The following DTD1 variants were observed in gnomAD, a reference collection of about 807,000 sequenced individuals.
The protein encoded by DTD1 is D-aminoacyl-tRNA deacylase 1.
DTD1 carries 13 observed loss-of-function variants against 25.6 expected under a neutral mutation model. That is an observed-to-expected ratio of 0.51 (90% CI 0.33 to 0.81). The LOEUF (loss-of-function observed/expected upper bound fraction) is 0.81, where lower values mean the gene tolerates loss of function less well. Ranked by LOEUF, DTD1 falls within the 30% of genes least tolerant of loss-of-function variation. The probability of loss-of-function intolerance (pLI) is 0.02; values close to 1 mark genes in which losing one functional copy is unlikely to be tolerated. For missense variants in DTD1, 193 were observed against 266.4 expected (o/e 0.72, Z 1.92); for synonymous variants, 110 against 103.6 (o/e 1.06, Z -0.37).
Position 18,596,167 on chromosome 20 carries a change from C to T in DTD1, c.296C>T (p.Thr99Met), listed in dbSNP as rs768459646. Residue 99 changes from threonine (T) to methionine (M), a missense_variant, in exon 3 of 6, where the codon ACG becomes ATG. Coordinates refer to ENST00000377452, the MANE Select transcript of DTD1 (RefSeq NM_080820.6). ...CCTGATTTCCACCTAGCAATGCCCACGGAGCAGGCAGAGGGCTTCTACAAC... is the reference window on the plus strand; with the variant it reads ...CCTGATTTCCACCTAGCAATGCCCATGGAGCAGGCAGAGGGCTTCTACAAC... Reference protein sequence around the residue: ...NKPDFHLAMPTEQAEGFYNSF... With the variant: ...NKPDFHLAMPMEQAEGFYNSF... 3.9e-5 allele frequency: 63 copies of T among 1,614,124 alleles called. No individual in the cohort carries two copies. In the East Asian group the frequency reaches 5.6e-4, roughly 14 times the overall value.
At chr20:18,603,829 T>A in intron 3 of DTD1, among the ~76,000 whole-genome samples, 2 of 71,612 alleles carry the variant, frequency 2.8e-5, no homozygotes, top group Non-Finnish European at 5.7e-5. Context: ...GCAGGAAAGA[T>A]CCAAAATTGA....
chr20:18,696,482 G>A (rs2061077358), intron 4 of DTD1, among the ~76,000 whole-genome samples: 1 of 152,128 alleles, frequency 6.6e-6, no homozygotes, highest in African/African-American at 2.4e-5. Context: ...AAATTCATGG[G>A]CGTGACTGAC....
chr20:18,727,159 G>A (rs957298011), intron 4 of DTD1, among the ~76,000 whole-genome samples: 2 of 152,364 alleles, frequency 1.3e-5, no homozygotes, highest in East Asian at 1.9e-4. Context: ...GCCCATGGGT[G>A]GGAGCAGAGG....
chr20:18,651,930 G>A (rs1361309475), intron 4 of DTD1, among the ~76,000 whole-genome samples: 1 of 152,210 alleles, frequency 6.6e-6, no homozygotes, highest in East Asian at 1.9e-4. Flanking sequence ...TATTTAAAGT[G>A]GACAGAATGC....
At chr20:18,755,629 C>T (rs1356609224) in intron 5 of DTD1, among the ~76,000 whole-genome samples, 1 of 152,174 alleles carries the variant, frequency 6.6e-6, no homozygotes, top group Non-Finnish European at 1.5e-5. Context: ...CATAGTATTC[C>T]ATGGTGTATA....
At chr20:18,744,075 T>A (rs1352591382) in intron 4 of DTD1, 25 bp from the exon 5 acceptor site, 1 of 1,551,334 alleles carries the variant, frequency 6.4e-7, no homozygotes, top group East Asian at 2.4e-5. Context: ...TTGTAAAATA[T>A]TCTTTTTTAT....
chr20:18,702,041 A>G (rs1014984597), intron 4 of DTD1, among the ~76,000 whole-genome samples: 1 of 152,226 alleles, frequency 6.6e-6, no homozygotes, highest in Non-Finnish European at 1.5e-5. Flanking sequence ...TTTGTCTACA[A>G]TCATTTTAAT....
At chr20:18,618,902 G>A (rs890615091) in intron 3 of DTD1, among the ~76,000 whole-genome samples, 1 of 151,974 alleles carries the variant, frequency 6.6e-6, no homozygotes, top group African/African-American at 2.4e-5. Flanking sequence ...TAGTAGAGAT[G>A]GGGTTTCACC....
intron 4 of DTD1, among the ~76,000 whole-genome samples, chr20:18,633,310 A>G (rs1421704826): frequency 2.6e-5 from 4 of 151,572 alleles, no homozygotes; most frequent in African/African-American, 4.9e-5. Flanking sequence ...GCTCTTTCCT[A>G]CCTCGGAGCT....
intron 3 of DTD1, among the ~76,000 whole-genome samples, chr20:18,597,559 C>T (rs1404398670): frequency 1.3e-5 from 2 of 152,306 alleles, no homozygotes; most frequent in East Asian, 3.9e-4. Flanking sequence ...CCTAGGCAGC[C>T]ATTAATCTAC....
intron 4 of DTD1, among the ~76,000 whole-genome samples, chr20:18,717,421 A>T (rs1367749365): frequency 6.6e-6 from 1 of 152,134 alleles, no homozygotes; most frequent in Non-Finnish European, 1.5e-5. Flanking sequence ...GTTTTTGGTA[A>T]ATTTTAGCTT....
intron 5 of DTD1, 130 bp downstream of exon 5, chr20:18,744,401 C>A: frequency 2.0e-6 from 2 of 1,017,204 alleles, no homozygotes; most frequent in Non-Finnish European, 1.4e-6. Context: ...AAATCTGCTG[C>A]CTTCCAGGAT....
chr20:18,631,126 A>G, intron 4 of DTD1: 1 of 985,470 alleles, frequency 1.0e-6, no homozygotes, highest in Non-Finnish European at 1.2e-6. Flanking sequence ...AAGCCAGCAG[A>G]TGGCATTGAC....
intron 4 of DTD1, among the ~76,000 whole-genome samples, chr20:18,649,847 T>C (rs1007958654): frequency 1.3e-5 from 2 of 152,126 alleles, no homozygotes; most frequent in African/African-American, 4.8e-5. Flanking sequence ...GACCCCCATA[T>C]TGTGTGTATC....
chr20:18,592,832 G>A (rs1457395998), intron 1 of DTD1, among the ~76,000 whole-genome samples: 6 of 151,856 alleles, frequency 4.0e-5, no homozygotes, highest in Non-Finnish European at 5.9e-5. Context: ...ACAGGCGCCC[G>A]CCACCATGCC....
chr20:18,621,245 A>G (rs952698660), intron 3 of DTD1, among the ~76,000 whole-genome samples: 1 of 152,108 alleles, frequency 6.6e-6, no homozygotes, highest in Admixed American at 6.5e-5. Flanking sequence ...AATGTCCCTC[A>G]TTTTGTGTCC....
chr20:18,694,692 C>T (rs2061063110), intron 4 of DTD1, among the ~76,000 whole-genome samples: 1 of 152,136 alleles, frequency 6.6e-6, no homozygotes, highest in Non-Finnish European at 1.5e-5. Flanking sequence ...GGGGACATGC[C>T]TCGGTGAGAT....
intron 4 of DTD1, among the ~76,000 whole-genome samples, chr20:18,703,516 C>T (rs2061113610): frequency 6.6e-6 from 1 of 151,942 alleles, no homozygotes; most frequent in South Asian, 2.1e-4. Context: ...GCCTAGAGAC[C>T]AGTTGATAAT....
At chr20:18,714,481 A>C (rs954423387) in intron 4 of DTD1, among the ~76,000 whole-genome samples, 5 of 151,976 alleles carry the variant, frequency 3.3e-5, no homozygotes, top group Non-Finnish European at 5.9e-5. Context: ...CTTTTCATTG[A>C]CTCTACTCTT....
Sources: gnomAD v4.1 joint callset for allele counts (sites outside exome capture counted in the v4.1 genomes callset) on GRCh38, gnomAD v4.1.1 for gene constraint, MANE v1.5 for transcripts, NCBI Gene and HGNC (gene_info 2026-07-23, HGNC 2026-07-21) for gene names.